ARHGAP15: variants seen among roughly 807,000 people sequenced by gnomAD.
The protein encoded by ARHGAP15 is rho GTPase-activating protein 15.
Under a neutral mutation model 63.7 loss-of-function variants are expected in ARHGAP15, and 51 were observed. The observed-to-expected ratio is 0.80, with a 90% CI of 0.64 to 1.01. The LOEUF (loss-of-function observed/expected upper bound fraction) is 1.01. Among genes scored for constraint, ARHGAP15 ranks in the 50% least tolerant of loss-of-function variants. The pLI is 0.00. For missense variants in ARHGAP15, 560 were observed against 564.6 expected (o/e 0.99, Z 0.08); for synonymous variants, 191 against 193.8 (o/e 0.99, Z 0.12).
At chr2:143,390,999 C>T (rs1687515361) in intron 6 of ARHGAP15, among the ~76,000 whole-genome samples, 1 of 152,160 alleles carries the variant, frequency 6.6e-6, no homozygotes, top group Non-Finnish European at 1.5e-5. Flanking sequence ...AACACCAGCA[C>T]AGAGTTACCT....
chr2:143,550,487 C>A (rs1325947181), intron 10 of ARHGAP15, among the ~76,000 whole-genome samples: 1 of 152,160 alleles, frequency 6.6e-6, no homozygotes, highest in African/African-American at 2.4e-5. Flanking sequence ...ATGGTCATCA[C>A]CAGCCACGTG....
chr2:143,550,250 T>C (rs1013434240), intron 10 of ARHGAP15, among the ~76,000 whole-genome samples: 3 of 152,118 alleles, frequency 2.0e-5, no homozygotes, highest in Non-Finnish European at 4.4e-5. Context: ...GGAACATATA[T>C]TTTTCAAAGT....
chr2:143,426,399 G>A (rs1689138484), intron 6 of ARHGAP15, among the ~76,000 whole-genome samples: 1 of 152,112 alleles, frequency 6.6e-6, no homozygotes, highest in South Asian at 2.1e-4. Flanking sequence ...TGTGTCAATA[G>A]AGTGAGACCT....
intron 11 of ARHGAP15, among the ~76,000 whole-genome samples, chr2:143,573,909 T>C (rs1696562582): frequency 6.6e-6 from 1 of 152,140 alleles, no homozygotes. Flanking sequence ...AAAGGTTGCC[T>C]CTCTTATATT....
intron 12 of ARHGAP15, among the ~76,000 whole-genome samples, chr2:143,654,327 G>T (rs1681321917): frequency 2.0e-5 from 3 of 152,080 alleles, no homozygotes; most frequent in African/African-American, 7.2e-5. Context: ...GCTCTTTGAT[G>T]ATTTCATCCC....
chr2:143,587,753 C>A, intron 11 of ARHGAP15: 2 of 470,520 alleles, frequency 4.3e-6, no homozygotes, highest in Non-Finnish European at 8.8e-6. Flanking sequence ...TAGTAAGCTG[C>A]AGATTTTTCA....
At chr2:143,363,552 TTTC>T (rs1222793905) in intron 6 of ARHGAP15, among the ~76,000 whole-genome samples, 1 of 152,130 alleles carries the variant, frequency 6.6e-6, no homozygotes, top group Non-Finnish European at 1.5e-5. Flanking sequence ...TTTATATAGT[TTTC>T]TTCTTTCTGT....
chr2:143,249,434 A>G (rs1680024761), intron 5 of ARHGAP15, among the ~76,000 whole-genome samples: 1 of 152,148 alleles, frequency 6.6e-6, no homozygotes. Context: ...CATATTTACC[A>G]TTCTTTCATA....
At chr2:143,763,767 T>C (rs1327300384) in intron 13 of ARHGAP15, among the ~76,000 whole-genome samples, 1 of 148,314 alleles carries the variant, frequency 6.7e-6, no homozygotes, top group East Asian at 1.9e-4. Flanking sequence ...TGTATATAAA[T>C]ATATTTATAT....
chr2:143,329,899 C>T (rs1385534010), intron 6 of ARHGAP15, among the ~76,000 whole-genome samples: 1 of 141,656 alleles, frequency 7.1e-6, no homozygotes, highest in Non-Finnish European at 1.5e-5. Flanking sequence ...AAGAAAATTG[C>T]CCCCCTGCCC....
intron 5 of ARHGAP15, among the ~76,000 whole-genome samples, chr2:143,238,747 T>C (rs114096048): frequency 0.018 from 2,760 of 152,286 alleles, 62 homozygotes; most frequent in Non-Finnish European, 0.023. Flanking sequence ...TGCACGTGTA[T>C]GTTCATTGCA....
At chr2:143,426,570 C>T (rs1689146121) in intron 6 of ARHGAP15, among the ~76,000 whole-genome samples, 3 of 152,140 alleles carry the variant, frequency 2.0e-5, no homozygotes, top group African/African-American at 7.2e-5. Context: ...TCAGCTCTGT[C>T]ATCACATAGA....
Position 143,318,257 on chromosome 2 carries a change from C to T in ARHGAP15, c.474+67657C>T, listed in dbSNP as rs532064547. 4.6e-5 allele frequency among the ~76,000 whole-genome samples: 7 copies of T among 151,996 alleles called. No homozygotes were observed. The East Asian group carries it at 7.7e-4, about 17-fold the overall frequency. ...TCCTGACCTTGTGATCTGCCCACCT[C>T]GATCTCCCAAAGAGCTGGGTTTATA... On this transcript the variant is annotated intron_variant, in intron 6 of 13. Transcript: ENST00000295095.
intron 6 of ARHGAP15, among the ~76,000 whole-genome samples, chr2:143,389,351 TA>T (rs1288572901): frequency 6.6e-6 from 1 of 152,106 alleles, no homozygotes; most frequent in African/African-American, 2.4e-5. Flanking sequence ...GAATTCACTT[TA>T]CGGTTATTCT....
intron 8 of ARHGAP15, among the ~76,000 whole-genome samples, chr2:143,443,555 T>C (rs559662184): frequency 3.5e-4 from 53 of 152,262 alleles, no homozygotes; most frequent in African/African-American, 1.3e-3. Context: ...ACTATACTTA[T>C]AAGACAGACA....
chr2:143,427,890 A>G (rs1379199453), intron 6 of ARHGAP15, among the ~76,000 whole-genome samples: 1 of 152,164 alleles, frequency 6.6e-6, no homozygotes, highest in Non-Finnish European at 1.5e-5. Context: ...TAAATATATT[A>G]TGGCATATCA....
intron 1 of ARHGAP15, among the ~76,000 whole-genome samples, chr2:143,130,825 CT>C (rs1688889059): frequency 6.6e-6 from 1 of 152,084 alleles, no homozygotes; most frequent in Admixed American, 6.6e-5. Flanking sequence ...GTTGCATTTC[CT>C]CACAATGGAA....
intron 6 of ARHGAP15, among the ~76,000 whole-genome samples, chr2:143,413,966 T>TGTGTGCGCGCGCGTGC: frequency 8.5e-6 from 1 of 117,910 alleles, no homozygotes; most frequent in Non-Finnish European, 1.7e-5. Flanking sequence ...TGTGTGTGTG[T>TGTGTGCGCGCGCGTGC]GCGCGCTCTC....
chr2:143,151,863 A>T (rs1307768652), intron 1 of ARHGAP15, among the ~76,000 whole-genome samples: 1 of 151,906 alleles, frequency 6.6e-6, no homozygotes, highest in African/African-American at 2.4e-5. Context: ...GGGATGAATC[A>T]GAGGAAATCG....
Sources: gnomAD v4.1 joint callset for allele counts (sites outside exome capture counted in the v4.1 genomes callset) on GRCh38, gnomAD v4.1.1 for gene constraint, MANE v1.5 for transcripts, NCBI Gene and HGNC (gene_info 2026-07-23, HGNC 2026-07-21) for gene names.